The following COG5 variants were observed in gnomAD, a reference collection of about 807,000 sequenced individuals.
COG5 encodes the protein conserved oligomeric Golgi complex subunit 5.
COG5 carries 86 observed loss-of-function variants against 110.4 expected under a neutral mutation model. The observed-to-expected ratio is 0.78, with a 90% CI of 0.65 to 0.93. COG5 has a LOEUF of 0.93. COG5 is among the 40% of genes least tolerant of loss of function. The pLI is 0.00. For synonymous variants in COG5, 360 were observed against 334.6 expected, an observed-to-expected ratio of 1.08 and a Z score of -0.83; for missense variants, 1,077 against 987.0, an observed-to-expected ratio of 1.09 and a Z score of -1.22.
chr7:107,367,332 T>C (rs570618235), intron 8 of COG5, among the ~76,000 whole-genome samples: 1 of 151,970 alleles, frequency 6.6e-6, no homozygotes, highest in African/African-American at 2.4e-5. Context: ...AATATAGAAA[T>C]GGAGAGGTCT....
At chr7:107,232,432 A>C (rs1800843904) in intron 18 of COG5, among the ~76,000 whole-genome samples, 2 of 152,186 alleles carry the variant, frequency 1.3e-5, no homozygotes, top group Admixed American at 6.5e-5. Flanking sequence ...TTACATACTG[A>C]AATTATATAT....
At chr7:107,430,473 T>C (rs1349100270) in intron 6 of COG5, among the ~76,000 whole-genome samples, 1 of 152,230 alleles carries the variant, frequency 6.6e-6, no homozygotes, top group Non-Finnish European at 1.5e-5. Flanking sequence ...ATTACCAGAC[T>C]GTATGAATTA....
chr7:107,253,635 A>G (rs1036237162), intron 16 of COG5, among the ~76,000 whole-genome samples: 12 of 152,202 alleles, frequency 7.9e-5, no homozygotes, highest in Non-Finnish European at 2.9e-5. Flanking sequence ...TATGTCATTC[A>G]TAACATATTA....
chr7:107,507,742 G>A (rs1161509954), intron 6 of COG5, among the ~76,000 whole-genome samples: 2 of 152,054 alleles, frequency 1.3e-5, no homozygotes, highest in African/African-American at 2.4e-5. Flanking sequence ...ATACATAAGT[G>A]AGAAACGTTT....
At chr7:107,398,446 C>T (rs114154920) in intron 7 of COG5, among the ~76,000 whole-genome samples, 8 of 152,260 alleles carry the variant, frequency 5.3e-5, no homozygotes, top group Non-Finnish European at 8.8e-5. Context: ...CAGCAGCGTT[C>T]GATTCTCATA....
At chr7:107,290,949 C>A (rs1806116840) in intron 12 of COG5, among the ~76,000 whole-genome samples, 1 of 152,174 alleles carries the variant, frequency 6.6e-6, no homozygotes, top group Non-Finnish European at 1.5e-5. Context: ...AGCCACCGCA[C>A]CCAGCCGATT....
intron 21 of COG5, among the ~76,000 whole-genome samples, chr7:107,206,827 A>C (rs1433327800): frequency 6.6e-6 from 1 of 152,234 alleles, no homozygotes; most frequent in Non-Finnish European, 1.5e-5. Context: ...CTGCCCTCCC[A>C]CATGAAATTA....
At chr7:107,325,968 G>T (rs1411605209) in intron 10 of COG5, among the ~76,000 whole-genome samples, 2 of 152,152 alleles carry the variant, frequency 1.3e-5, no homozygotes, top group African/African-American at 4.8e-5. Flanking sequence ...TATGTATTAT[G>T]TCTTGCATAT....
At chr7:107,394,119 G>A (rs561334709) in intron 7 of COG5, among the ~76,000 whole-genome samples, 38 of 151,764 alleles carry the variant, frequency 2.5e-4, no homozygotes, top group Non-Finnish European at 4.1e-4. Flanking sequence ...CCGCCACCAC[G>A]CCCAGCTAAT....
At chr7:107,373,792 TAGTA>T (rs1214344218) in intron 7 of COG5, among the ~76,000 whole-genome samples, 1 of 152,180 alleles carries the variant, frequency 6.6e-6, no homozygotes, top group African/African-American at 2.4e-5. Context: ...TCTCACGCAT[TAGTA>T]AGTGTCTGTT....
At chr7:107,315,536 T>C (rs548960467) in intron 11 of COG5, among the ~76,000 whole-genome samples, 1 of 151,922 alleles carries the variant, frequency 6.6e-6, no homozygotes, top group Admixed American at 6.6e-5. Flanking sequence ...AAATTTATTG[T>C]CAAGCTCTTG....
chr7:107,312,405 T>TTATAA (rs1808346650), intron 11 of COG5, among the ~76,000 whole-genome samples: 1 of 152,118 alleles, frequency 6.6e-6, no homozygotes, highest in African/African-American at 2.4e-5. Context: ...AGATGAGCCA[T>TTATAA]TATAATGCAG....
At chr7:107,264,079 G>A (rs1315456459) in intron 14 of COG5, among the ~76,000 whole-genome samples, 2 of 151,990 alleles carry the variant, frequency 1.3e-5, no homozygotes, top group African/African-American at 2.4e-5. Context: ...TTACAAAAGG[G>A]TAAGTAAGTT....
chr7:107,508,366 A>G (rs933301060), intron 6 of COG5, among the ~76,000 whole-genome samples: 1 of 152,222 alleles, frequency 6.6e-6, no homozygotes, highest in African/African-American at 2.4e-5. Flanking sequence ...TTGATTAGGT[A>G]AACAAAGCAG....
intron 17 of COG5, among the ~76,000 whole-genome samples, chr7:107,248,157 A>G (rs1802191096): frequency 6.6e-6 from 1 of 152,178 alleles, no homozygotes; most frequent in Non-Finnish European, 1.5e-5. Context: ...TGCACATGTA[A>G]CGTGATACTG....
rs2116203573 is a variant in COG5, at chr7:107,211,216, G to A, written c.2178C>T (p.Leu726=). ...TGGCTACATGTTCACTTGCCTGGAA[G>A]AGCAGAGGTCTAGACGGGAAAAACA... ...YRMLRSFRPL[L]FQASEHVASS... The change falls in exon 20 of 22, where the codon CTC becomes CTT. Residue 726 remains leucine (L), a synonymous_variant. Transcript: ENST00000297135. 6.2e-7 allele frequency: 1 copy of A among 1,614,066 alleles called. No individual in the cohort carries two copies. Among genetic ancestry groups the A allele is most frequent in the Non-Finnish European group, 8.5e-7 (1 of 1,179,942 alleles).
At chr7:107,353,302 G>GTA (rs1197966657) in intron 10 of COG5, among the ~76,000 whole-genome samples, 1 of 151,648 alleles carries the variant, frequency 6.6e-6, no homozygotes, top group African/African-American at 2.4e-5. Flanking sequence ...GCGGGCACCT[G>GTA]TAGTCCCAGC....
intron 19 of COG5, among the ~76,000 whole-genome samples, chr7:107,226,583 A>G (rs186249647): frequency 1.6e-3 from 237 of 152,348 alleles, no homozygotes; most frequent in Non-Finnish European, 2.6e-3. Flanking sequence ...TTACATGACA[A>G]CTGCAAAGAA....
chr7:107,423,388 G>A (rs1211075894), intron 6 of COG5, among the ~76,000 whole-genome samples: 1 of 152,082 alleles, frequency 6.6e-6, no homozygotes, highest in Non-Finnish European at 1.5e-5. Flanking sequence ...TTAGCAAAAC[G>A]ACCAGAGCTC....
Sources: gnomAD v4.1 joint callset for allele counts (sites outside exome capture counted in the v4.1 genomes callset) on GRCh38, gnomAD v4.1.1 for gene constraint, MANE v1.5 for transcripts, NCBI Gene and HGNC (gene_info 2026-07-23, HGNC 2026-07-21) for gene names.